Variants in SGCZ observed in about 807,000 individuals in gnomAD.
SGCZ encodes sarcoglycan zeta, also known as zeta-sarcoglycan.
SGCZ carries 40 observed loss-of-function variants against 41.3 expected under a neutral mutation model. The ratio of observed to expected loss-of-function variants is 0.97; its 90% CI spans 0.75 to 1.26. SGCZ has a LOEUF of 1.26. Ranked by LOEUF, SGCZ falls within the 50% of genes most tolerant of loss-of-function variation. The pLI is 0.00. For missense variants in SGCZ, 552 were observed against 369.8 expected, an observed-to-expected ratio of 1.49 and a Z score of -4.04; for synonymous variants, 206 against 137.5, an observed-to-expected ratio of 1.50 and a Z score of -3.49.
intron 2 of SGCZ, among the ~76,000 whole-genome samples, chr8:14,462,158 C>T (rs1049752557): frequency 2.0e-5 from 3 of 151,870 alleles, no homozygotes; most frequent in Admixed American, 2.0e-4. Flanking sequence ...CACTCAATTG[C>T]ACTCTATCCA....
At chr8:14,133,759 T>A (rs529977756) in intron 5 of SGCZ, among the ~76,000 whole-genome samples, 2 of 152,356 alleles carry the variant, frequency 1.3e-5, no homozygotes, top group African/African-American at 4.8e-5. Flanking sequence ...GCTTTTTTTT[T>A]AATGCTTCTT....
intron 1 of SGCZ, among the ~76,000 whole-genome samples, chr8:15,197,505 G>C (rs888191450): frequency 6.6e-6 from 1 of 152,184 alleles, no homozygotes; most frequent in African/African-American, 2.4e-5. Flanking sequence ...TTCGCAGATA[G>C]AATTCTCAGT....
chr8:14,111,747 A>C (rs1802377361), intron 5 of SGCZ, among the ~76,000 whole-genome samples: 1 of 152,144 alleles, frequency 6.6e-6, no homozygotes, highest in South Asian at 2.1e-4. Flanking sequence ...TCATATGATA[A>C]TTTCTGGCTT....
rs191479643 is a variant in SGCZ at position 14,115,965 on chromosome 8, C to T, written c.548-7730G>A. Among the ~76,000 whole-genome samples the T allele has an allele frequency of 9.9e-5, 15 of 152,108 alleles. No homozygotes were observed. In the South Asian group the frequency reaches 1.5e-3, roughly 15 times the overall value. ...TGTGTTTTCCACTGGCAGGTCATACCGACCATTACCAAATGGAATGCACAG... is the reference window on the plus strand; with the variant it reads ...TGTGTTTTCCACTGGCAGGTCATACTGACCATTACCAAATGGAATGCACAG... On this transcript the variant is annotated intron_variant, in intron 5 of 7. Transcript: ENST00000382080.
chr8:14,263,352 C>G (rs575416902), intron 3 of SGCZ, among the ~76,000 whole-genome samples: 46 of 152,168 alleles, frequency 3.0e-4, no homozygotes, highest in Non-Finnish European at 2.1e-4. Context: ...AGTTTGAAAC[C>G]AGCCTGGCCA....
intron 2 of SGCZ, among the ~76,000 whole-genome samples, chr8:14,394,984 C>T (rs542279529): frequency 9.9e-5 from 15 of 152,224 alleles, no homozygotes; most frequent in African/African-American, 3.1e-4. Context: ...GTTCCTTAAT[C>T]ACTTGGGAAC....
intron 3 of SGCZ, among the ~76,000 whole-genome samples, chr8:14,294,765 C>A (rs1393410368): frequency 6.6e-6 from 1 of 151,890 alleles, no homozygotes. Context: ...AATATTCCAA[C>A]AAAGATATCT....
chr8:14,986,650 A>C (rs535184182), intron 1 of SGCZ, among the ~76,000 whole-genome samples: 1 of 152,178 alleles, frequency 6.6e-6, no homozygotes, highest in South Asian at 2.1e-4. Flanking sequence ...AATGTTTTAA[A>C]ATTTTATACA....
intron 1 of SGCZ, among the ~76,000 whole-genome samples, chr8:14,926,487 G>A (rs1479761632): frequency 6.7e-6 from 1 of 149,372 alleles, no homozygotes; most frequent in African/African-American, 2.5e-5. Flanking sequence ...CATCTCAGAT[G>A]TACTGTTTCT....
intron 2 of SGCZ, among the ~76,000 whole-genome samples, chr8:14,452,611 G>A (rs1012598110): frequency 6.6e-6 from 1 of 152,020 alleles, no homozygotes; most frequent in African/African-American, 2.4e-5. Context: ...TATTTTGGGT[G>A]GTTATGATGT....
At chr8:14,144,328 G>T (rs376602851) in intron 5 of SGCZ, among the ~76,000 whole-genome samples, 1 of 152,148 alleles carries the variant, frequency 6.6e-6, no homozygotes, top group Non-Finnish European at 1.5e-5. Context: ...TGAGGACTCC[G>T]TTCCAGGCCC....
chr8:15,036,238 T>A (rs1585497487), intron 1 of SGCZ, among the ~76,000 whole-genome samples: 1 of 152,102 alleles, frequency 6.6e-6, no homozygotes. Context: ...AGAAGAAATA[T>A]GTCTAAGAAA....
At chr8:15,041,693 T>G (rs960119913) in intron 1 of SGCZ, among the ~76,000 whole-genome samples, 2 of 152,172 alleles carry the variant, frequency 1.3e-5, no homozygotes, top group African/African-American at 4.8e-5. Context: ...AGAATCTAAG[T>G]GTGAATACAC....
chr8:14,342,806 G>T (rs1802757181), intron 2 of SGCZ, among the ~76,000 whole-genome samples: 1 of 152,220 alleles, frequency 6.6e-6, no homozygotes, highest in African/African-American at 2.4e-5. Flanking sequence ...AAGTAGCAAG[G>T]AACCTAGTGT....
intron 2 of SGCZ, among the ~76,000 whole-genome samples, chr8:14,549,889 A>G (rs1164686753): frequency 2.6e-5 from 4 of 152,072 alleles, no homozygotes; most frequent in African/African-American, 4.8e-5. Context: ...AAGTTAGTTT[A>G]GATGGGAATT....
intron 1 of SGCZ, among the ~76,000 whole-genome samples, chr8:14,689,710 T>G (rs1215565556): frequency 1.3e-5 from 2 of 152,180 alleles, no homozygotes; most frequent in Non-Finnish European, 2.9e-5. Context: ...GCACCTGCTC[T>G]TATTTGTAGG....
chr8:15,067,225 C>T (rs1305683923), intron 1 of SGCZ, among the ~76,000 whole-genome samples: 1 of 152,100 alleles, frequency 6.6e-6, no homozygotes, highest in African/African-American at 2.4e-5. Flanking sequence ...GGCTTGCCTA[C>T]ACACTCCACC....
At position 14,927,102 on chromosome 8, in the gene SGCZ, C is replaced by CT. The variant is rs71209091; in HGVS notation, c.39+310482dup. On this transcript the variant is annotated intron_variant, in intron 1 of 7. Coordinates refer to ENST00000382080, the MANE Select transcript of SGCZ (RefSeq NM_139167.4). Reference sequence around the variant, plus strand: ...TATCAAAGTATCAAAGTTCCTGATTCTTTTTTTTTTTTTTTTTTTTTTGTG... The same window carrying CT: ...TATCAAAGTATCAAAGTTCCTGATTCTTTTTTTTTTTTTTTTTTTTTTTGTG... Among the ~76,000 whole-genome samples the CT allele has an allele frequency of 8.9e-3, 732 of 82,620 alleles. 7 individuals carry two copies. The highest frequency in any genetic ancestry group is 0.013 in the East Asian group (39 of 2,892). The allele number at this position is 82,620 out of a possible 152,430, so 54.2% of individuals were successfully genotyped here. A position where few individuals can be genotyped will look rare whatever the true frequency, so the allele number is the denominator to read the frequency against.
intron 1 of SGCZ, among the ~76,000 whole-genome samples, chr8:14,927,270 G>C (rs909359213): frequency 2.0e-5 from 3 of 151,706 alleles, no homozygotes; most frequent in African/African-American, 7.3e-5. Flanking sequence ...CACCACGCCC[G>C]CCTAATTTTT....
Sources: allele counts gnomAD v4.1 joint callset (sites outside exome capture counted in the v4.1 genomes callset), GRCh38; gene constraint gnomAD v4.1.1; transcripts MANE v1.5; gene names NCBI Gene and HGNC (gene_info 2026-07-23, HGNC 2026-07-21).